The following GPR3 variants were observed in gnomAD, a reference collection of about 807,000 sequenced individuals.
GPR3 encodes G protein-coupled receptor 3, also known as ACCA orphan receptor.
GPR3 carries 16 observed loss-of-function variants against 18.2 expected under a neutral mutation model. The observed-to-expected ratio is 0.88, with a 90% CI of 0.60 to 1.34. The LOEUF is 1.34. Ranked by LOEUF, GPR3 falls within the 40% of genes most tolerant of loss-of-function variation. The pLI, the probability that GPR3 is intolerant of heterozygous loss-of-function variation, is 0.00. For missense variants in GPR3, 326 were observed against 427.6 expected (o/e 0.76, Z 2.10); for synonymous variants, 183 against 188.9 (o/e 0.97, Z 0.26).
Position 27,394,224 on chromosome 1 carries a change from C to T in GPR3, c.426C>T (p.Leu142=), listed in dbSNP as rs747497635. 4 of 1,613,666 alleles carry T rather than the reference C, an allele frequency of 2.5e-6. No individual in the cohort carries two copies. Among genetic ancestry groups the T allele is most frequent in the Non-Finnish European group, 3.4e-6 (4 of 1,180,028 alleles). The part of the protein sequence containing the change: ...VDRYLSLYNA[L]TYYSETTVTR... ...GCTACCTTTCTCTGTACAATGCCCT[C>T]ACCTACTATTCAGAGACAACAGTGA... is the stretch of plus-strand genomic sequence containing the variant. Residue 142 remains leucine, a synonymous_variant, in exon 2 of 2, where the codon CTC becomes CTT. Transcript: ENST00000374024.
Position 27,394,308 on chromosome 1 carries a change from G to A in GPR3, c.510G>A (p.Leu170=), listed in dbSNP as rs1236713922. Residue 170 remains leucine (L), a synonymous_variant, in exon 2 of 2, where the codon CTG becomes CTA. Coordinates refer to ENST00000374024, the MANE Select transcript of GPR3 (RefSeq NM_005281.4). The stretch of plus-strand genomic sequence containing the variant: ...GAGGTGCCCTGGGCCTGGGGCTGCT[G>A]CCTGTGCTGGCCTGGAACTGCCTGG... ...VWGGALGLGL[L]PVLAWNCLDG... 1.9e-6 allele frequency: 3 copies of A among 1,613,390 alleles called. No homozygotes were observed. Among genetic ancestry groups the A allele is most frequent in the South Asian group, 2.2e-5 (2 of 91,088 alleles).
chr1:27,394,302 G>T lies in GPR3; in HGVS notation c.504G>T (p.Gly168=), dbSNP rs890380030. The T allele has an allele frequency of 3.7e-6, 6 of 1,613,150 alleles. No individual in the cohort carries two copies. Among genetic ancestry groups the T allele is most frequent in the African/African-American group, 1.3e-5 (1 of 74,928 alleles). Reference sequence around the variant, plus strand: ...TGTGGGGAGGTGCCCTGGGCCTGGGGCTGCTGCCTGTGCTGGCCTGGAACT... The same window carrying T: ...TGTGGGGAGGTGCCCTGGGCCTGGGTCTGCTGCCTGTGCTGGCCTGGAACT... ...ALVWGGALGL[G]LLPVLAWNCL... Residue 168 remains glycine, a synonymous_variant, in exon 2 of 2, where the codon GGG becomes GGT. Coordinates refer to ENST00000374024, the MANE Select transcript of GPR3 (RefSeq NM_005281.4).
rs2016535790 is a variant in GPR3 at position 27,395,512 on chromosome 1, A to G, written c.*721A>G. The G allele has an allele frequency of 6.0e-6, 1 of 167,096 alleles. No individual in the cohort carries two copies. Among genetic ancestry groups the G allele is most frequent in the East Asian group, 1.9e-4 (1 of 5,204 alleles). The allele number at this position is 167,096 out of a possible 1,614,324, so 10.4% of individuals were successfully genotyped here. On this transcript the variant is annotated 3_prime_UTR_variant, in exon 2 of 2. Transcript: ENST00000374024. ...CAGCCTCTGGTTTTTTATTTTTTTA[A>G]GAAGCCATCACCTGAGCAACCAAAA...
intron 1 of GPR3, among the ~76,000 whole-genome samples, 190 bp from the exon 2 acceptor site, chr1:27,393,604 G>A (rs1432570719): frequency 6.6e-6 from 1 of 152,160 alleles, no homozygotes; most frequent in African/African-American, 2.4e-5. Flanking sequence ...GAGGCCTGGG[G>A]GCATTGGAGG....
rs779361974 is a variant in GPR3, at chr1:27,394,629, C to T, written c.831C>T (p.Leu277=). The T allele has an allele frequency of 6.2e-7, 1 of 1,614,094 alleles. No individual in the cohort carries two copies. The highest frequency in any genetic ancestry group is 8.5e-7 in the Non-Finnish European group (1 of 1,180,038). Residue 277 remains leucine (L), a synonymous_variant, in exon 2 of 2, where the codon CTC becomes CTT. Transcript: ENST00000374024. The stretch of plus-strand genomic sequence containing the variant: ...TGGGTGATGCCCACTCTCCACCTCT[C>T]TACACCTATCTTACCTTGCTCCCTG... The part of the protein sequence containing the change: ...CLLGDAHSPP[L]YTYLTLLPAT...
rs892478017 is a variant in GPR3, at chr1:27,394,801, C to T, written c.*10C>T. 1.3e-5 allele frequency: 21 copies of T among 1,610,262 alleles called. No homozygotes were observed. Among genetic ancestry groups the T allele is most frequent in the Non-Finnish European group, 1.8e-5 (21 of 1,177,810 alleles). On this transcript the variant is annotated 3_prime_UTR_variant, in exon 2 of 2. Coordinates refer to ENST00000374024, the MANE Select transcript of GPR3 (RefSeq NM_005281.4). ...CCCCAGTGATGTCTAGCTGAGTCTT[C>T]ATGACCCTTCAACCCTGATTACTAC...
rs202067878 is a variant in GPR3, at chr1:27,394,514, A to G, written c.716A>G (p.Tyr239Cys). Residue 239 changes from tyrosine to cysteine, a missense_variant, in exon 2 of 2, where the codon TAT (tyrosine) becomes TGT (cysteine). Transcript: ENST00000374024. The stretch of plus-strand genomic sequence containing the variant: ...CGGCACCTGCTGCCTGCCTCCCACT[A>G]TGTGGCCACCCGCAAGGGCATTGCC... ...LQRHLLPASH[Y>C]VATRKGIATL... 4.1e-5 allele frequency: 66 copies of G among 1,614,030 alleles called. No individual in the cohort carries two copies. The highest frequency in any genetic ancestry group is 1.3e-4 in the Admixed American group (8 of 60,012).
In GPR3 at chr1:27,394,344, C is replaced by A. The variant is rs2016521629; in HGVS notation, c.546C>A (p.Thr182=). The part of the protein sequence containing the change: ...VLAWNCLDGL[T]TCGVVYPLSK... ...CCTGGAACTGCCTGGATGGCCTGAC[C>A]ACATGTGGCGTGGTTTATCCACTCT... Residue 182 remains threonine (T), a synonymous_variant, in exon 2 of 2, where the codon ACC becomes ACA. Transcript: ENST00000374024. 1 of 1,613,990 alleles carries A rather than the reference C, an allele frequency of 6.2e-7. No homozygotes were observed. The highest frequency in any genetic ancestry group is 1.3e-5 in the African/African-American group (1 of 75,058).
chr1:27,393,414 C>T (rs112811520), intron 1 of GPR3, among the ~76,000 whole-genome samples: 1 of 152,268 alleles, frequency 6.6e-6, no homozygotes, highest in African/African-American at 2.4e-5. Flanking sequence ...GCTGCTCAGT[C>T]TCCCTGATGG....
At chr1:27,393,747 C>T in intron 1 of GPR3, 47 bp from the exon 2 acceptor site, 1 of 1,501,570 alleles carries the variant, frequency 6.7e-7, no homozygotes, top group Non-Finnish European at 8.9e-7. Context: ...GACCCCAACT[C>T]CCATCACCCA....
Position 27,394,862 on chromosome 1 carries a change from T to A in GPR3, c.*71T>A, listed in dbSNP as rs1022839317. 6 of 1,523,656 alleles carry A rather than the reference T, an allele frequency of 3.9e-6. No individual in the cohort carries two copies. Among genetic ancestry groups the A allele is most frequent in the Admixed American group, 1.8e-5 (1 of 55,364 alleles). 94.4% of individuals were successfully genotyped at this position (1,523,656 alleles called of 1,614,324 possible). A position where few individuals can be genotyped will look rare whatever the true frequency, so the allele number is the denominator to read the frequency against. ...AATGTTAGGCTCTCCAGGGCTTCTT[T>A]CCAAACCCCCAGCTCCACACCCCCC... On this transcript the variant is annotated 3_prime_UTR_variant, in exon 2 of 2. Transcript: ENST00000374024.
chr1:27,394,078 G>C lies in GPR3; in HGVS notation c.280G>C (p.Val94Leu). The C allele has an allele frequency of 6.2e-7, 1 of 1,610,942 alleles. No individual in the cohort carries two copies. Among genetic ancestry groups the C allele is most frequent in the Non-Finnish European group, 8.5e-7 (1 of 1,180,012 alleles). The change falls in exon 2 of 2, where the codon GTC (valine) becomes CTC (leucine). Residue 94 changes from valine (V) to leucine (L), a missense_variant. Val to Leu is a conservative substitution (Grantham distance 32). Transcript: ENST00000374024. Reference protein sequence around the residue: ...VADLLAGLGLVLHFAAVFCIG... With the variant: ...VADLLAGLGLLLHFAAVFCIG... ...AGACCTGCTGGCAGGCCTGGGCCTG[G>C]TCCTGCACTTTGCTGCTGTCTTCTG...
At position 27,394,327 on chromosome 1, in the gene GPR3, T is replaced by A; in HGVS notation, c.529T>A (p.Cys177Ser). Residue 177 changes from cysteine to serine, a missense_variant, in exon 2 of 2, where the codon TGC becomes AGC. Transcript: ENST00000374024. ...GCTGCTGCCTGTGCTGGCCTGGAACTGCCTGGATGGCCTGACCACATGTGG... is the reference window on the plus strand; with the variant it reads ...GCTGCTGCCTGTGCTGGCCTGGAACAGCCTGGATGGCCTGACCACATGTGG... ...LGLLPVLAWN[C>S]LDGLTTCGVV... The A allele has an allele frequency of 6.2e-7, 1 of 1,613,846 alleles. No individual in the cohort carries two copies. Among genetic ancestry groups the A allele is most frequent in the Non-Finnish European group, 8.5e-7 (1 of 1,180,032 alleles).
In GPR3 at chr1:27,394,029, G is replaced by C; in HGVS notation, c.231G>C (p.Leu77=). The stretch of plus-strand genomic sequence containing the variant: ...CTGCCTTCCGTGCCCCCATGTTCCT[G>C]CTGGTGGGCAGCCTGGCCGTGGCAG... ...GTPAFRAPMF[L]LVGSLAVADL... is the part of the protein sequence containing the mutation. Residue 77 remains leucine, a synonymous_variant, in exon 2 of 2, where the codon CTG becomes CTC. Coordinates refer to ENST00000374024, the MANE Select transcript of GPR3 (RefSeq NM_005281.4). The C allele has an allele frequency of 6.2e-7, 1 of 1,611,648 alleles. No homozygotes were observed. Among genetic ancestry groups the C allele is most frequent in the Non-Finnish European group, 8.5e-7 (1 of 1,179,988 alleles).
rs142207740 is a variant in GPR3, at chr1:27,393,877, G to A, written c.79G>A (p.Ala27Thr). ...GNVNVSSVGP[A>T]EGPTGPAAPL... ...CGTGAATGTAAGCAGCGTGGGCCCA[G>A]CAGAGGGGCCCACAGGTCCAGCCGC... is the stretch of plus-strand genomic sequence containing the variant. Residue 27 changes from alanine (A) to threonine (T), a missense_variant, in exon 2 of 2, where the codon GCA becomes ACA. Ala to Thr is a moderately conservative substitution (Grantham distance 58). Transcript: ENST00000374024. The A allele has an allele frequency of 1.2e-6, 2 of 1,605,120 alleles. No individual in the cohort carries two copies. Among genetic ancestry groups the A allele is most frequent in the South Asian group, 1.1e-5 (1 of 90,636 alleles).
chr1:27,394,728 T>C lies in GPR3; in HGVS notation c.930T>C (p.Ala310=), dbSNP rs780374326. The C allele has an allele frequency of 1.9e-5, 30 of 1,614,096 alleles. No homozygotes were observed. The highest frequency in any genetic ancestry group is 2.5e-5 in the Non-Finnish European group (29 of 1,180,050). Residue 310 remains alanine, a synonymous_variant, in exon 2 of 2, where the codon GCT becomes GCC. Transcript: ENST00000374024. ...RNQDVQKVLW[A]VCCCCSSSKI... ...AGGATGTGCAGAAAGTGCTGTGGGC[T>C]GTCTGCTGCTGCTGTTCCTCTTCCA...
At chr1:27,393,244 G>T (rs1225395797) in intron 1 of GPR3, among the ~76,000 whole-genome samples, 1 of 151,000 alleles carries the variant, frequency 6.6e-6, no homozygotes, top group Non-Finnish European at 1.5e-5. Flanking sequence ...GGGGGGCTGA[G>T]TTCCCAGGTG....
At position 27,394,458 on chromosome 1, in the gene GPR3, C is replaced by T. The variant is rs991566962; in HGVS notation, c.660C>T (p.Val220=). Residue 220 remains valine (V), a synonymous_variant, in exon 2 of 2, where the codon GTC becomes GTT. Coordinates refer to ENST00000374024, the MANE Select transcript of GPR3 (RefSeq NM_005281.4). ...LQLYAQICRI[V]CRHAQQIALQ... ...TCTACGCCCAAATCTGCCGCATCGT[C>T]TGCCGCCATGCCCAGCAGATTGCCC... 1.9e-6 allele frequency: 3 copies of T among 1,614,074 alleles called. No homozygotes were observed. Among genetic ancestry groups the T allele is most frequent in the African/African-American group, 2.7e-5 (2 of 74,946 alleles).
At chr1:27,393,033 C>G (rs1307686665) in intron 1 of GPR3, among the ~76,000 whole-genome samples, 1 of 151,996 alleles carries the variant, frequency 6.6e-6, no homozygotes, top group Non-Finnish European at 1.5e-5. Flanking sequence ...CCCAGGGGTC[C>G]GAACAGCAGG....
Sources: gnomAD v4.1 joint callset for allele counts (sites outside exome capture counted in the v4.1 genomes callset) on GRCh38, gnomAD v4.1.1 for gene constraint, MANE v1.5 for transcripts, NCBI Gene and HGNC (gene_info 2026-07-23, HGNC 2026-07-21) for gene names.